Variants in ENO4 observed in about 807,000 individuals in gnomAD.
ENO4 encodes the protein enolase 4, also known as 2-phospho-D-glycerate hydro-lyase.
ENO4 carries 53 observed loss-of-function variants against 63.2 expected under a neutral mutation model. The observed-to-expected ratio is 0.84, with a 90% CI of 0.67 to 1.05. ENO4 has a LOEUF of 1.05. ENO4 is among the 50% of genes least tolerant of loss of function. The pLI is 0.00. For missense variants in ENO4, 719 were observed against 772.0 expected, an observed-to-expected ratio of 0.93 and a Z score of 0.81; for synonymous variants, 266 against 283.8, an observed-to-expected ratio of 0.94 and a Z score of 0.63.
downstream of ENO4, chr10:116,883,919 GA>G (rs568339770): frequency 5.7e-5 from 11 of 193,322 alleles, no homozygotes; most frequent in East Asian, 1.6e-4. Flanking sequence ...TATTCTTCCA[GA>G]AAAAAAAAGA....
intron 10 of ENO4, among the ~76,000 whole-genome samples, chr10:116,896,802 T>G (rs1429197403): frequency 8.1e-6 from 1 of 122,868 alleles, no homozygotes; most frequent in African/African-American, 3.9e-5. Flanking sequence ...GATCAGGTAC[T>G]TTTTTTTTTT....
At chr10:116,874,307 C>T in intron 10 of ENO4, 106 bp downstream of exon 10, 1 of 997,358 alleles carries the variant, frequency 1.0e-6, no homozygotes, top group Non-Finnish European at 1.4e-6. Flanking sequence ...TATAACAAAA[C>T]AGAGAATAAA....
downstream of ENO4, chr10:116,885,114 C>T (rs1447861615): frequency 6.6e-6 from 1 of 152,588 alleles, no homozygotes; most frequent in South Asian, 2.1e-4. Context: ...GCTTACCACA[C>T]GTGCAAAAAT....
Position 116,852,226 on chromosome 10 carries a change from C to A in ENO4, c.165+2495C>A, listed in dbSNP as rs1338207856. The stretch of plus-strand genomic sequence containing the variant: ...GATTGTAAGTTTCCTGAGGCCTCTG[C>A]AGCTGTGCAGAACTGTGAGTCAATT... On this transcript the variant is annotated intron_variant, in intron 1 of 13. Coordinates refer to ENST00000341276, the MANE Select transcript of ENO4 (RefSeq NM_001242699.2). Among the ~76,000 whole-genome samples the A allele has an allele frequency of 2.0e-5, 3 of 152,208 alleles. 1 individual carries two copies. Among genetic ancestry groups the A allele is most frequent in the Non-Finnish European group, 4.4e-5 (3 of 68,040 alleles).
chr10:116,849,839 C>T, intron 1 of ENO4, 108 bp downstream of exon 1: 1 of 1,265,100 alleles, frequency 7.9e-7, no homozygotes, highest in Non-Finnish European at 1.1e-6. Context: ...CGCATGCCAG[C>T]CGCCCGGGCC....
At chr10:116,855,601 T>C (rs1846238412) in intron 1 of ENO4, 22 bp from the exon 2 acceptor site, 1 of 1,535,872 alleles carries the variant, frequency 6.5e-7, no homozygotes, top group African/African-American at 1.4e-5. Flanking sequence ...AGATGATTTT[T>C]GTTCTTTTGT....
intron 1 of ENO4, among the ~76,000 whole-genome samples, chr10:116,853,919 G>A (rs141286695): frequency 1.3e-5 from 2 of 152,154 alleles, no homozygotes; most frequent in African/African-American, 4.8e-5. Context: ...CTAAATGAAA[G>A]CAAAGCCCAG....
At chr10:116,857,705 C>G (rs1846304826) in intron 3 of ENO4, among the ~76,000 whole-genome samples, 1 of 149,584 alleles carries the variant, frequency 6.7e-6, no homozygotes, top group Admixed American at 6.7e-5. Flanking sequence ...GTGGCATGAT[C>G]TCGGCTCACC....
chr10:116,869,107 C>T (rs1846622398), intron 8 of ENO4, among the ~76,000 whole-genome samples: 1 of 152,186 alleles, frequency 6.6e-6, no homozygotes, highest in African/African-American at 2.4e-5. Flanking sequence ...GCTATTCCTT[C>T]CATCTGGTCC....
intron 10 of ENO4, among the ~76,000 whole-genome samples, chr10:116,892,129 C>G (rs1847358310): frequency 6.6e-6 from 1 of 152,154 alleles, no homozygotes; most frequent in South Asian, 2.1e-4. Context: ...TTTTCTTTAG[C>G]TGAGTGACTG....
chr10:116,889,247 C>A (rs1449169700), intron 10 of ENO4, among the ~76,000 whole-genome samples: 2 of 152,186 alleles, frequency 1.3e-5, no homozygotes, highest in African/African-American at 4.8e-5. Context: ...AGCAGCAATA[C>A]ATGGATGTTG....
At chr10:116,896,234 T>C (rs1847514011) in intron 10 of ENO4, among the ~76,000 whole-genome samples, 1 of 152,206 alleles carries the variant, frequency 6.6e-6, no homozygotes, top group African/African-American at 2.4e-5. Flanking sequence ...CTGTTGATAA[T>C]AGAGTTAACA....
chr10:116,901,707 CAA>C, intron 10 of ENO4: 1 of 1,431,222 alleles, frequency 7.0e-7, no homozygotes, highest in Non-Finnish European at 9.1e-7. Flanking sequence ...AAGAAACACA[CAA>C]GTTAGTCATT....
At position 116,855,810 on chromosome 10, in the gene ENO4, C is replaced by T. The variant is rs1846243130; in HGVS notation, c.294+59C>T. On this transcript the variant is annotated intron_variant, in intron 2 of 13. Coordinates refer to ENST00000341276, the MANE Select transcript of ENO4 (RefSeq NM_001242699.2). The stretch of plus-strand genomic sequence containing the variant: ...CTGGCCCCACTGCATTTATTAGCAA[C>T]ACTTGTCTAAGCTGTAGAAAATTAT... The T allele has an allele frequency of 2.1e-6, 3 of 1,450,444 alleles. No individual in the cohort carries two copies. In the South Asian group the frequency reaches 4.1e-5, roughly 20 times the overall value. The allele number at this position is 1,450,444 out of a possible 1,614,324, so 89.8% of individuals were successfully genotyped here. A position where few individuals can be genotyped will look rare whatever the true frequency, so the allele number is the denominator to read the frequency against.
chr10:116,866,052 G>A (rs1426505526), intron 7 of ENO4, among the ~76,000 whole-genome samples: 1 of 152,176 alleles, frequency 6.6e-6, no homozygotes, highest in Non-Finnish European at 1.5e-5. Flanking sequence ...GTCGTAGGTG[G>A]CCAAGCTGGC....
Position 116,868,540 on chromosome 10 carries a change from CGT to C in ENO4, c.991-104_991-103del, listed in dbSNP as rs1491127478. The C allele has an allele frequency of 4.6e-6, 4 of 863,370 alleles. No homozygotes were observed. In the East Asian group the frequency reaches 1.1e-4, roughly 23 times the overall value. The allele number at this position is 863,370 out of a possible 1,614,324, so 53.5% of individuals were successfully genotyped here. On this transcript the variant is annotated intron_variant, in intron 7 of 13. Coordinates refer to ENST00000341276, the MANE Select transcript of ENO4 (RefSeq NM_001242699.2). ...GTGTGTGTGCGTGTATGTGTGCACA[CGT>C]GTGTGAGATTCAGTGTTGCTGGTCA...
At chr10:116,862,898 C>A (rs1564847182) in intron 7 of ENO4, 46 bp downstream of exon 7, 1 of 1,229,758 alleles carries the variant, frequency 8.1e-7, no homozygotes, top group Admixed American at 2.0e-5. Flanking sequence ...CACTTAGACA[C>A]CTTCTAGCAT....
At chr10:116,886,161 G>A (rs982346409), downstream of ENO4, 5 of 821,418 alleles carry the variant, frequency 6.1e-6, no homozygotes, top group South Asian at 6.1e-5. Flanking sequence ...CTAGGAATGT[G>A]TGTTTTGCTA....
rs568750823 is a variant in ENO4, at chr10:116,860,803, A to C, written c.644A>C (p.Asp215Ala). 4.1e-5 allele frequency: 61 copies of C among 1,498,386 alleles called. No individual in the cohort carries two copies. Among genetic ancestry groups the C allele is most frequent in the Middle Eastern group, 1.7e-4 (1 of 5,764 alleles). The allele number at this position is 1,498,386 out of a possible 1,614,324, so 92.8% of individuals were successfully genotyped here. The change falls in exon 5 of 14, where the codon GAT becomes GCT. Residue 215 changes from aspartate to alanine, a missense_variant. Transcript: ENST00000341276. ...KKKGQKPGRK[D>A]TITEKPIAPA... ...ATATTTCTCCCTCCAGGGAGGAAGG[A>C]TACTATTACAGAGAAACCTATTGCG...
Sources: allele counts gnomAD v4.1 joint callset (sites outside exome capture counted in the v4.1 genomes callset), GRCh38; gene constraint gnomAD v4.1.1; transcripts MANE v1.5; gene names NCBI Gene and HGNC (gene_info 2026-07-23, HGNC 2026-07-21).